SUGCT: variants seen among roughly 807,000 people sequenced by gnomAD.
SUGCT encodes succinyl-CoA:glutarate CoA-transferase.
A neutral mutation model predicts 55.0 loss-of-function variants in SUGCT; 41 were observed. That is an observed-to-expected ratio of 0.74 (90% CI 0.58 to 0.97). The LOEUF (loss-of-function observed/expected upper bound fraction) is 0.97, where lower values mean the gene tolerates loss of function less well. Among genes scored for constraint, SUGCT ranks in the 50% least tolerant of loss-of-function variants. The pLI is 0.00. For synonymous variants in SUGCT, 187 were observed against 200.4 expected (o/e 0.93, Z 0.56); for missense variants, 568 against 547.8 (o/e 1.04, Z -0.37).
chr7:41,028,114 C>A, the SUGCT span, among the ~76,000 whole-genome samples: 1 of 152,198 alleles, frequency 6.6e-6, no homozygotes, highest in South Asian at 2.1e-4. Context: ...CTCAGGCAGG[C>A]AGGTATTGAG....
rs187307429 is a variant in SUGCT, at chr7:40,143,244, G to C, written c.100+8124G>C. Among the ~76,000 whole-genome samples the C allele has an allele frequency of 2.0e-5, 3 of 152,260 alleles. No homozygotes were observed. The East Asian group carries it at 5.8e-4, about 29-fold the overall frequency. On this transcript the variant is annotated intron_variant, in intron 1 of 13. Transcript: ENST00000335693. ...ATACATCCGCTTAGGGATGAATAAG[G>C]GCAGACTGATAGGTCAGCTCTTGGA...
the SUGCT span, among the ~76,000 whole-genome samples, chr7:40,874,739 G>A: frequency 6.6e-6 from 1 of 152,174 alleles, no homozygotes; most frequent in Non-Finnish European, 1.5e-5. Flanking sequence ...TTGGAAGATG[G>A]TGCAGGAGCC....
intron 11 of SUGCT, among the ~76,000 whole-genome samples, chr7:40,466,877 T>C (rs541781217): frequency 6.6e-6 from 1 of 152,234 alleles, no homozygotes; most frequent in South Asian, 2.1e-4. Flanking sequence ...ATCATACGTG[T>C]AAAAATACCT....
intron 11 of SUGCT, among the ~76,000 whole-genome samples, chr7:40,463,079 C>T (rs1473026990): frequency 6.6e-6 from 1 of 152,100 alleles, no homozygotes; most frequent in South Asian, 2.1e-4. Context: ...TCGACTTTAC[C>T]ATGTGAGTCT....
intron 12 of SUGCT, among the ~76,000 whole-genome samples, chr7:40,602,421 G>A (rs1397547774): frequency 6.6e-6 from 1 of 152,188 alleles, no homozygotes; most frequent in Non-Finnish European, 1.5e-5. Flanking sequence ...TATTTATTGG[G>A]TAGAAAGAGC....
intron 9 of SUGCT, among the ~76,000 whole-genome samples, chr7:40,420,883 T>C (rs925883503): frequency 1.3e-5 from 2 of 152,162 alleles, no homozygotes; most frequent in Admixed American, 1.3e-4. Context: ...ATAAGGTCTC[T>C]TCTCTGTTCA....
intron 12 of SUGCT, among the ~76,000 whole-genome samples, chr7:40,543,831 T>C (rs993837082): frequency 2.0e-5 from 3 of 152,192 alleles, no homozygotes; most frequent in African/African-American, 7.2e-5. Context: ...TAATAATAAG[T>C]ATATGTGCCT....
chr7:40,324,261 A>ATATT (rs1554311582), intron 9 of SUGCT, among the ~76,000 whole-genome samples: 13,586 of 99,998 alleles, frequency 0.14, 1,381 homozygotes, highest in East Asian at 0.55. Flanking sequence ...AAATATATAT[A>ATATT]TATTTATTTT....
intron 13 of SUGCT, chr7:40,793,284 A>G (rs1790401407): frequency 6.6e-6 from 1 of 152,110 alleles, no homozygotes; most frequent in African/African-American, 2.4e-5. Flanking sequence ...TCCTGTCCCT[A>G]GAGACTGCAC....
intron 13 of SUGCT, among the ~76,000 whole-genome samples, chr7:40,858,121 G>T (rs1278501903): frequency 6.6e-6 from 1 of 152,134 alleles, no homozygotes; most frequent in Non-Finnish European, 1.5e-5. Flanking sequence ...ACCGTTGTGA[G>T]AACTGTATGC....
At chr7:40,716,454 G>A (rs1260825205) in intron 12 of SUGCT, among the ~76,000 whole-genome samples, 1 of 152,104 alleles carries the variant, frequency 6.6e-6, no homozygotes, top group Non-Finnish European at 1.5e-5. Context: ...GTCTACTTCT[G>A]TTTAACAAAT....
chr7:40,183,868 G>C (rs1785351725), intron 3 of SUGCT, among the ~76,000 whole-genome samples: 1 of 152,064 alleles, frequency 6.6e-6, no homozygotes, highest in African/African-American at 2.4e-5. Context: ...TATTGATAAA[G>C]TTGCTTAGAA....
the SUGCT span, among the ~76,000 whole-genome samples, chr7:40,889,003 G>C: frequency 6.6e-6 from 1 of 152,224 alleles, no homozygotes; most frequent in African/African-American, 2.4e-5. Context: ...TGCATGGATT[G>C]TGTTTTCTTT....
chr7:40,911,567 CAAAAAA>C, the SUGCT span, among the ~76,000 whole-genome samples: 1 of 124,970 alleles, frequency 8.0e-6, no homozygotes. Context: ...GACCCTGTCT[CAAAAAA>C]AAAAAAAAAA....
chr7:40,453,502 T>C (rs1366192307), intron 10 of SUGCT, among the ~76,000 whole-genome samples: 2 of 152,194 alleles, frequency 1.3e-5, no homozygotes, highest in African/African-American at 4.8e-5. Context: ...CCAAAGATGA[T>C]AGGAACTGAA....
At chr7:40,809,580 A>G (rs974369334) in intron 13 of SUGCT, among the ~76,000 whole-genome samples, 1 of 152,120 alleles carries the variant, frequency 6.6e-6, no homozygotes, top group African/African-American at 2.4e-5. Flanking sequence ...CTCTTTCACA[A>G]ATCCTTCCTT....
chr7:40,854,050 C>T (rs559628945), intron 13 of SUGCT, among the ~76,000 whole-genome samples: 5 of 152,328 alleles, frequency 3.3e-5, no homozygotes, highest in Admixed American at 2.6e-4. Flanking sequence ...TTCTTAGCAT[C>T]AAGGTCAAAT....
intron 13 of SUGCT, chr7:40,782,559 C>A (rs964637495): frequency 1.1e-4 from 17 of 152,140 alleles, no homozygotes; most frequent in African/African-American, 4.1e-4. Context: ...CTTCTAGCCA[C>A]CACATTTAGG....
intron 1 of SUGCT, among the ~76,000 whole-genome samples, chr7:40,143,503 A>G (rs1273475122): frequency 6.6e-6 from 1 of 152,208 alleles, no homozygotes; most frequent in Non-Finnish European, 1.5e-5. Flanking sequence ...TGCCTGGTTG[A>G]CTGGATGACC....
Sources: allele counts gnomAD v4.1 joint callset (sites outside exome capture counted in the v4.1 genomes callset), GRCh38; gene constraint gnomAD v4.1.1; transcripts MANE v1.5; gene names NCBI Gene and HGNC (gene_info 2026-07-23, HGNC 2026-07-21).